CCSER1: variants seen among roughly 807,000 people sequenced by gnomAD.
The protein encoded by CCSER1 is coiled-coil serine rich protein 1.
A neutral mutation model predicts 82.0 loss-of-function variants in CCSER1; 41 were observed. The observed-to-expected ratio is 0.50, with a 90% CI of 0.39 to 0.65. The LOEUF is 0.65. CCSER1 is among the 30% of genes least tolerant of loss of function. The pLI is 0.00. For synonymous variants in CCSER1, 414 were observed against 383.9 expected (o/e 1.08, Z -0.92); for missense variants, 1,119 against 1,064.2 (o/e 1.05, Z -0.72).
At chr4:90,649,171 G>A (rs116785764) in intron 6 of CCSER1, among the ~76,000 whole-genome samples, 117 of 152,234 alleles carry the variant, frequency 7.7e-4, no homozygotes, top group African/African-American at 2.6e-3. Flanking sequence ...GGGTTAATAT[G>A]CAGGACATAT....
At chr4:91,057,522 A>G (rs989617577) in intron 9 of CCSER1, among the ~76,000 whole-genome samples, 1 of 152,196 alleles carries the variant, frequency 6.6e-6, no homozygotes, top group Non-Finnish European at 1.5e-5. Flanking sequence ...TTATAATGTT[A>G]TAACCAAAGA....
intron 5 of CCSER1, among the ~76,000 whole-genome samples, chr4:90,559,226 T>G (rs1778448921): frequency 6.6e-6 from 1 of 152,192 alleles, no homozygotes; most frequent in Admixed American, 6.5e-5. Context: ...TGCCCCCCTT[T>G]TATTAATTGC....
chr4:90,146,145 C>T (rs544049712), intron 1 of CCSER1, among the ~76,000 whole-genome samples: 1 of 152,056 alleles, frequency 6.6e-6, no homozygotes, highest in African/African-American at 2.4e-5. Context: ...AAGTACTGCT[C>T]TTTTGATGTG....
intron 10 of CCSER1, among the ~76,000 whole-genome samples, chr4:91,209,623 G>T (rs955843551): frequency 6.6e-6 from 1 of 151,714 alleles, no homozygotes; most frequent in African/African-American, 2.4e-5. Context: ...CTGATACTTT[G>T]TCAAGGATAT....
intron 8 of CCSER1, among the ~76,000 whole-genome samples, chr4:90,846,761 C>T (rs1763279197): frequency 6.6e-6 from 1 of 152,142 alleles, no homozygotes; most frequent in South Asian, 2.1e-4. Flanking sequence ...CATCATTCTC[C>T]TGCCTCAGCC....
intron 3 of CCSER1, among the ~76,000 whole-genome samples, chr4:90,375,219 A>C (rs1245326375): frequency 6.6e-6 from 1 of 152,186 alleles, no homozygotes; most frequent in Admixed American, 6.5e-5. Flanking sequence ...TAGATTGGTT[A>C]TGTTGCTCAC....
chr4:91,024,869 G>A (rs1399396434), intron 9 of CCSER1, among the ~76,000 whole-genome samples: 2 of 151,976 alleles, frequency 1.3e-5, no homozygotes, highest in East Asian at 3.9e-4. Flanking sequence ...TGAGAGACAG[G>A]TAGAAGAATA....
intron 10 of CCSER1, among the ~76,000 whole-genome samples, chr4:91,511,269 C>A (rs186995433): frequency 1.3e-5 from 2 of 151,920 alleles, no homozygotes; most frequent in African/African-American, 2.4e-5. Flanking sequence ...ATGCCTCTGG[C>A]CTTCTTATTT....
intron 1 of CCSER1, among the ~76,000 whole-genome samples, chr4:90,187,857 T>C (rs1734899663): frequency 6.6e-6 from 1 of 151,826 alleles, no homozygotes; most frequent in South Asian, 2.1e-4. Flanking sequence ...AAAGAGTTAA[T>C]TTCGTCCTTT....
At chr4:90,856,176 A>G (rs1359972035) in intron 8 of CCSER1, among the ~76,000 whole-genome samples, 1 of 151,982 alleles carries the variant, frequency 6.6e-6, no homozygotes. Context: ...CTTCTTGCTG[A>G]TTGGGCTCAA....
intron 6 of CCSER1, among the ~76,000 whole-genome samples, chr4:90,682,546 A>C (rs1399414): frequency 0.89 from 135,663 of 151,906 alleles, 60,632 homozygotes; most frequent in East Asian, 0.99. Flanking sequence ...AAGTTTACTT[A>C]CCTTTTATTT....
chr4:90,707,529 TAAA>T (rs75961345), intron 6 of CCSER1, among the ~76,000 whole-genome samples: 8,808 of 144,722 alleles, frequency 0.061, 594 homozygotes, highest in African/African-American at 0.17. Flanking sequence ...ATTTCTACCT[TAAA>T]AAAAAAATAT....
intron 8 of CCSER1, among the ~76,000 whole-genome samples, chr4:90,830,737 A>T (rs951320578): frequency 5.3e-5 from 8 of 152,152 alleles, no homozygotes; most frequent in Non-Finnish European, 1.2e-4. Context: ...GATTTGAGGC[A>T]GCCAAACACA....
At chr4:91,482,408 CAAAAA>C (rs537828832) in intron 10 of CCSER1, among the ~76,000 whole-genome samples, 12 of 69,976 alleles carry the variant, frequency 1.7e-4, no homozygotes, top group African/African-American at 6.5e-4. Flanking sequence ...GACTCCGTCT[CAAAAA>C]AAAAAAAAAA....
rs141169284 is a variant in CCSER1, at chr4:90,469,435, A to G, written c.1724+1081A>G. Among the ~76,000 whole-genome samples, 369 of 151,716 alleles carry G rather than the reference A, an allele frequency of 2.4e-3. 1 individual carries two copies. Among genetic ancestry groups the G allele is most frequent in the Non-Finnish European group, 3.7e-3 (250 of 67,916 alleles). ...GCTCTTCATATAGTCTTAATTTTTA[A>G]GTTCCAAAAGCCATTTTTGTCTAAT... On this transcript the variant is annotated intron_variant, in intron 5 of 10. Transcript: ENST00000509176.
intron 10 of CCSER1, among the ~76,000 whole-genome samples, chr4:91,113,232 A>C (rs1342884426): frequency 6.6e-6 from 1 of 152,206 alleles, no homozygotes; most frequent in African/African-American, 2.4e-5. Flanking sequence ...ACATTTGTTG[A>C]TACAACAAAC....
chr4:90,848,121 A>T (rs183058378), intron 8 of CCSER1, among the ~76,000 whole-genome samples: 21 of 152,312 alleles, frequency 1.4e-4, no homozygotes, highest in South Asian at 4.1e-4. Context: ...TTAACAATGC[A>T]TAGTTGTATA....
intron 1 of CCSER1, among the ~76,000 whole-genome samples, chr4:90,229,683 A>T (rs1416533687): frequency 2.0e-5 from 3 of 152,232 alleles, no homozygotes; most frequent in Non-Finnish European, 4.4e-5. Flanking sequence ...GGCAAATTGG[A>T]TAAAGAGTCA....
intron 3 of CCSER1, among the ~76,000 whole-genome samples, chr4:90,353,554 G>T (rs1318177311): frequency 6.6e-6 from 1 of 152,156 alleles, no homozygotes; most frequent in Non-Finnish European, 1.5e-5. Context: ...ATTGGTTTGA[G>T]ATCACAGAAT....
Sources: gnomAD v4.1 joint callset for allele counts (sites outside exome capture counted in the v4.1 genomes callset) on GRCh38, gnomAD v4.1.1 for gene constraint, MANE v1.5 for transcripts, NCBI Gene and HGNC (gene_info 2026-07-23, HGNC 2026-07-21) for gene names.